The following CTNNA2 variants were observed in gnomAD, a reference collection of about 807,000 sequenced individuals.
CTNNA2 encodes catenin alpha 2, also known as catenin alpha-2.
Under a neutral mutation model 101.0 loss-of-function variants are expected in CTNNA2, and 42 were observed. The observed-to-expected ratio is 0.42, with a 90% confidence interval of 0.32 to 0.54. CTNNA2 has a LOEUF of 0.54. Ranked by LOEUF, CTNNA2 falls within the 20% of genes least tolerant of loss-of-function variation. The pLI is 0.14. For missense variants in CTNNA2, 871 were observed against 1,223.1 expected, an observed-to-expected ratio of 0.71 and a Z score of 4.29; for synonymous variants, 450 against 456.4, an observed-to-expected ratio of 0.99 and a Z score of 0.18.
At chr2:80,333,195 A>C (rs978090246) in intron 7 of CTNNA2, among the ~76,000 whole-genome samples, 1 of 152,188 alleles carries the variant, frequency 6.6e-6, no homozygotes, top group South Asian at 2.1e-4. Context: ...ACTAGGAATT[A>C]GTTACTAAAG....
intron 7 of CTNNA2, among the ~76,000 whole-genome samples, chr2:80,119,368 A>C (rs1701706710): frequency 6.6e-6 from 1 of 152,134 alleles, no homozygotes; most frequent in East Asian, 1.9e-4. Flanking sequence ...AGGGACAGGG[A>C]TTGGGGAGAC....
At chr2:80,645,680 C>G (rs1283336769) in intron 18 of CTNNA2, among the ~76,000 whole-genome samples, 1 of 150,892 alleles carries the variant, frequency 6.6e-6, no homozygotes, top group African/African-American at 2.5e-5. Flanking sequence ...AATCACCCCA[C>G]TAATTCATGC....
chr2:80,082,010 T>A (rs1384395832), intron 7 of CTNNA2, among the ~76,000 whole-genome samples: 1 of 152,088 alleles, frequency 6.6e-6, no homozygotes, highest in Non-Finnish European at 1.5e-5. Context: ...GAGTGCTGGG[T>A]GATTATATTA....
At chr2:79,843,697 A>G (rs886893289) in intron 3 of CTNNA2, among the ~76,000 whole-genome samples, 2 of 152,220 alleles carry the variant, frequency 1.3e-5, no homozygotes, top group African/African-American at 4.8e-5. Flanking sequence ...CCTTTTGGTG[A>G]ATAAAGCCAC....
intron 7 of CTNNA2, among the ~76,000 whole-genome samples, chr2:80,280,703 G>A (rs762717109): frequency 2.6e-5 from 4 of 152,024 alleles, no homozygotes; most frequent in Non-Finnish European, 4.4e-5. Flanking sequence ...AATAAACAAC[G>A]CATAAGTTTT....
At chr2:79,715,387 A>T (rs1374199171) in intron 2 of CTNNA2, among the ~76,000 whole-genome samples, 1 of 152,132 alleles carries the variant, frequency 6.6e-6, no homozygotes, top group Non-Finnish European at 1.5e-5. Flanking sequence ...GGACCAACGA[A>T]CAGAAATACA....
In CTNNA2 at chr2:80,382,511, T is replaced by C. The variant is rs534801711; in HGVS notation, c.1057-10700T>C. On this transcript the variant is annotated intron_variant, in intron 7 of 18. Coordinates refer to ENST00000402739, the MANE Select transcript of CTNNA2 (RefSeq NM_001282597.3). ...AGAATTATTTCCTTGGTGAGAATTGTTCATAAAGAACCAAATAAATGGTAG... is the reference window on the plus strand; with the variant it reads ...AGAATTATTTCCTTGGTGAGAATTGCTCATAAAGAACCAAATAAATGGTAG... Among the ~76,000 whole-genome samples, 5 of 152,326 alleles carry C rather than the reference T, an allele frequency of 3.3e-5. No homozygotes were observed. In the South Asian group the frequency reaches 6.2e-4, roughly 19 times the overall value.
At chr2:79,828,354 A>G (rs944437006) in intron 3 of CTNNA2, among the ~76,000 whole-genome samples, 2 of 152,222 alleles carry the variant, frequency 1.3e-5, no homozygotes, top group African/African-American at 2.4e-5. Flanking sequence ...ATTTTTGTCC[A>G]TTTATAAGCT....
intron 1 of CTNNA2, among the ~76,000 whole-genome samples, chr2:79,190,835 C>T (rs1673844607): frequency 6.6e-6 from 1 of 152,128 alleles, no homozygotes; most frequent in Admixed American, 6.5e-5. Context: ...TTTTAATAAG[C>T]CAGGGGGAGC....
intron 9 of CTNNA2, among the ~76,000 whole-genome samples, chr2:80,535,748 T>A (rs1690953117): frequency 1.3e-5 from 2 of 152,190 alleles, no homozygotes; most frequent in African/African-American, 4.8e-5. Context: ...TGAGCATCCT[T>A]CCCTGATCAA....
At chr2:79,440,827 G>A (rs143481149) in intron 4 of CTNNA2, among the ~76,000 whole-genome samples, 1 of 152,232 alleles carries the variant, frequency 6.6e-6, no homozygotes, top group East Asian at 1.9e-4. Flanking sequence ...CAGGAATCAG[G>A]TAGAACACCA....
At chr2:79,919,628 A>G (rs1686514340) in intron 7 of CTNNA2, among the ~76,000 whole-genome samples, 1 of 152,216 alleles carries the variant, frequency 6.6e-6, no homozygotes, top group Non-Finnish European at 1.5e-5. Context: ...AGAAGACCTC[A>G]CAAAATTGTC....
intron 7 of CTNNA2, among the ~76,000 whole-genome samples, chr2:80,068,110 A>T (rs1292561019): frequency 6.6e-6 from 1 of 152,182 alleles, no homozygotes; most frequent in Admixed American, 6.5e-5. Context: ...GCTTGTTTTG[A>T]TATGGGGAAG....
rs566398828 is a variant in CTNNA2, at chr2:79,830,311, C to T, written c.299-27702C>T. Among the ~76,000 whole-genome samples the T allele has an allele frequency of 6.6e-5, 10 of 152,206 alleles. No homozygotes were observed. In the East Asian group the frequency reaches 9.7e-4, roughly 15 times the overall value. On this transcript the variant is annotated intron_variant, in intron 3 of 18. Transcript: ENST00000402739. Reference sequence around the variant, plus strand: ...GACAGCCATGGGCAAAGAGTCCTGGCACTGACTTGGAAGTGGGCAGGCAGG... The same window carrying T: ...GACAGCCATGGGCAAAGAGTCCTGGTACTGACTTGGAAGTGGGCAGGCAGG...
chr2:79,814,288 G>C (rs538959971), intron 3 of CTNNA2, among the ~76,000 whole-genome samples: 1 of 152,080 alleles, frequency 6.6e-6, no homozygotes, highest in Non-Finnish European at 1.5e-5. Context: ...TTGGTTACAT[G>C]ACTAAATTCT....
chr2:79,337,322 A>T (rs755466929), intron 3 of CTNNA2, among the ~76,000 whole-genome samples: 10 of 152,232 alleles, frequency 6.6e-5, no homozygotes, highest in Non-Finnish European at 1.3e-4. Flanking sequence ...TGGCATGTGA[A>T]ACACTTCCTT....
At chr2:80,634,256 AG>A (rs1478190910) in intron 18 of CTNNA2, among the ~76,000 whole-genome samples, 1 of 152,290 alleles carries the variant, frequency 6.6e-6, no homozygotes, top group East Asian at 1.9e-4. Context: ...TTAAGGCATG[AG>A]GATGGAAATG....
intron 7 of CTNNA2, among the ~76,000 whole-genome samples, chr2:80,386,395 A>T (rs922677023): frequency 1.3e-5 from 2 of 152,180 alleles, no homozygotes; most frequent in African/African-American, 4.8e-5. Flanking sequence ...ATATTTAGAA[A>T]GGTCCACATG....
chr2:79,622,373 A>C (rs929941745), intron 1 of CTNNA2, among the ~76,000 whole-genome samples: 11 of 152,224 alleles, frequency 7.2e-5, no homozygotes, highest in Non-Finnish European at 1.5e-4. Context: ...ACTCTGAAAC[A>C]GTGAACAGAT....
Sources: gnomAD v4.1 joint callset for allele counts (sites outside exome capture counted in the v4.1 genomes callset) on GRCh38, gnomAD v4.1.1 for gene constraint, MANE v1.5 for transcripts, NCBI Gene and HGNC (gene_info 2026-07-23, HGNC 2026-07-21) for gene names.